Variants in SF3B3 observed in about 807,000 individuals in gnomAD.
SF3B3 encodes the protein SAP 130.
SF3B3 carries 33 observed loss-of-function variants against 139.2 expected under a neutral mutation model. The observed-to-expected ratio is 0.24, with a 90% CI of 0.18 to 0.32. The LOEUF (loss-of-function observed/expected upper bound fraction) is 0.32, where lower values mean the gene tolerates loss of function less well. Ranked by LOEUF, SF3B3 falls within the 10% of genes least tolerant of loss-of-function variation. The probability of loss-of-function intolerance (pLI) is 1.00; values close to 1 mark genes in which losing one functional copy is unlikely to be tolerated. For missense variants in SF3B3, 818 were observed against 1,509.4 expected (o/e 0.54, Z 7.59); for synonymous variants, 596 against 563.6 (o/e 1.06, Z -0.81).
intron 7 of SF3B3, among the ~76,000 whole-genome samples, chr16:70,538,736 A>C (rs1466281131): frequency 6.6e-6 from 1 of 152,232 alleles, no homozygotes. Flanking sequence ...GTTTCTGCTG[A>C]AAACTGGTAA....
At chr16:70,547,834 C>T (rs905015523) in intron 10 of SF3B3, among the ~76,000 whole-genome samples, 2 of 152,178 alleles carry the variant, frequency 1.3e-5, no homozygotes, top group African/African-American at 4.8e-5. Context: ...AGGCAATCCA[C>T]CCGCCTCGGC....
In SF3B3 at chr16:70,568,438, C is replaced by T. The variant is rs763627867; in HGVS notation, c.3108C>T (p.Ala1036=). The T allele has an allele frequency of 4.3e-6, 7 of 1,614,096 alleles. No individual in the cohort carries two copies. In the East Asian group the frequency reaches 8.9e-5, roughly 21 times the overall value. Residue 1036 remains alanine, a synonymous_variant, in exon 22 of 26, where the codon GCC becomes GCT. Transcript: ENST00000302516. ...CCTACCCCCGATGGGTCACTACAGC[C>T]AGCCTCCTGGACTATGACACTGTGG... The part of the protein sequence containing the change: ...DDTYPRWVTT[A]SLLDYDTVAG...
chr16:70,550,946 C>T (rs187037659), intron 11 of SF3B3, among the ~76,000 whole-genome samples: 8 of 152,192 alleles, frequency 5.3e-5, no homozygotes, highest in African/African-American at 1.9e-4. Context: ...AGCTAGAGAA[C>T]TTTAGCTTCA....
intron 8 of SF3B3, among the ~76,000 whole-genome samples, chr16:70,540,200 G>A (rs1360813015): frequency 2.0e-5 from 3 of 149,136 alleles, no homozygotes; most frequent in African/African-American, 7.4e-5. Flanking sequence ...TTCGAGACCA[G>A]CCTGACCAAC....
intron 2 of SF3B3, 101 bp from the exon 3 acceptor site, chr16:70,528,772 C>A: frequency 1.3e-6 from 1 of 776,760 alleles, no homozygotes; most frequent in South Asian, 1.8e-5. Flanking sequence ...CATGTGCCAC[C>A]ACGCCTGGCT....
chr16:70,563,499 T>A (rs759065557), intron 17 of SF3B3, among the ~76,000 whole-genome samples: 2 of 152,262 alleles, frequency 1.3e-5, no homozygotes, highest in Non-Finnish European at 2.9e-5. Context: ...GTATCCACTT[T>A]ATTTTATGAA....
Position 70,557,039 on chromosome 16 carries a change from C to T in SF3B3, c.2010+10C>T. 1 of 1,598,568 alleles carries T rather than the reference C, an allele frequency of 6.3e-7. No homozygotes were observed. The highest frequency in any genetic ancestry group is 8.5e-7 in the Non-Finnish European group (1 of 1,173,986). ...GAATATTGGGCTACAGGTAAGAGATCCAGAGGCCCACATTGTGGACATTAG... is the reference window on the plus strand; with the variant it reads ...GAATATTGGGCTACAGGTAAGAGATTCAGAGGCCCACATTGTGGACATTAG... On this transcript the variant is annotated intron_variant, in intron 15 of 25. Coordinates refer to ENST00000302516, the MANE Select transcript of SF3B3 (RefSeq NM_012426.5).
At chr16:70,529,234 G>C in intron 3 of SF3B3, 35 bp downstream of exon 3, 2 of 1,542,586 alleles carry the variant, frequency 1.3e-6, no homozygotes, top group African/African-American at 2.7e-5. Flanking sequence ...TATATGCCTA[G>C]TTTAGGATAA....
chr16:70,569,259 T>G, intron 23 of SF3B3, 118 bp downstream of exon 23: 1 of 668,122 alleles, frequency 1.5e-6, no homozygotes, highest in Admixed American at 2.9e-5. Context: ...CTGAGTGCTG[T>G]CCGTCCACAG....
In SF3B3 at chr16:70,576,180, T is replaced by C. The variant is rs1193566302; in HGVS notation, c.*4367T>C. ...CAGTAGCTGTGATGGACAATGAACA[T>C]TGCTGCTTGTTCAAAATGAAGAAAA... On this transcript the variant is annotated 3_prime_UTR_variant, in exon 26 of 26. Transcript: ENST00000302516. 1.3e-5 allele frequency: 2 copies of C among 152,086 alleles called. No individual in the cohort carries two copies. The highest frequency in any genetic ancestry group is 2.9e-5 in the Non-Finnish European group (2 of 68,042). The allele number at this position is 152,086 out of a possible 1,614,324, so 9.4% of individuals were successfully genotyped here.
intron 6 of SF3B3, 51 bp from the exon 7 acceptor site, chr16:70,538,272 A>G (rs2050187341): frequency 1.3e-6 from 2 of 1,552,488 alleles, no homozygotes; most frequent in Non-Finnish European, 1.8e-6. Flanking sequence ...GAATTCCAGA[A>G]CTAAGAAGTA....
chr16:70,566,918 C>T (rs2050482309), intron 20 of SF3B3, among the ~76,000 whole-genome samples: 1 of 152,030 alleles, frequency 6.6e-6, no homozygotes, highest in Non-Finnish European at 1.5e-5. Flanking sequence ...GGCTTGATGG[C>T]ACATGCCTGT....
chr16:70,567,755 G>A (rs1201037432), intron 21 of SF3B3, among the ~76,000 whole-genome samples: 7 of 152,098 alleles, frequency 4.6e-5, no homozygotes, highest in South Asian at 2.1e-4. Context: ...GCGCAATCTC[G>A]GCTCACTGCA....
rs2050545641 is a variant in SF3B3 at position 70,573,135 on chromosome 16, A to C, written c.*1322A>C. ...CCTGGAACTAAGTATCTCTTGAATC[A>C]TGACTTGGTTTTAGATCAGTCAAGA... On this transcript the variant is annotated 3_prime_UTR_variant, in exon 26 of 26. Transcript: ENST00000302516. 1 of 152,194 alleles carries C rather than the reference A, an allele frequency of 6.6e-6. No homozygotes were observed. Among genetic ancestry groups the C allele is most frequent in the African/African-American group, 2.4e-5 (1 of 41,434 alleles). 9.4% of individuals were successfully genotyped at this position (152,194 alleles called of 1,614,324 possible).
chr16:70,531,864 C>T (rs952114528), intron 4 of SF3B3, among the ~76,000 whole-genome samples: 2 of 152,268 alleles, frequency 1.3e-5, no homozygotes, highest in Non-Finnish European at 1.5e-5. Context: ...TTGCAGTTCT[C>T]GTTCTAGCTC....
Position 70,541,548 on chromosome 16 carries a change from T to A in SF3B3, c.1068-121T>A, listed in dbSNP as rs1246831825. ...AGCTGTCGTACTTAGTGATAACACC[T>A]AAAAATAATAACAATAGTATCTTAA... On this transcript the variant is annotated intron_variant, in intron 8 of 25. Coordinates refer to ENST00000302516, the MANE Select transcript of SF3B3 (RefSeq NM_012426.5). The A allele has an allele frequency of 1.2e-5, 10 of 802,370 alleles. No homozygotes were observed. The Admixed American group carries it at 2.4e-4, about 19-fold the overall frequency. 49.7% of individuals were successfully genotyped at this position (802,370 alleles called of 1,614,324 possible).
In SF3B3 at chr16:70,555,198, A is replaced by G; in HGVS notation, c.1702A>G (p.Met568Val). ...LTGGELVYFEMDPSGQLNEYT... is the reference protein window; with the variant it reads ...LTGGELVYFEVDPSGQLNEYT... The stretch of plus-strand genomic sequence containing the variant: ...AGGAGGAGAGCTGGTCTATTTCGAG[A>G]TGGATCCTGTATGTTATTTTATCAT... Residue 568 changes from methionine (M) to valine (V), a missense_variant, in exon 13 of 26, where the codon ATG becomes GTG. This residue lies in a region of SF3B3 where 170 missense variants were observed against 353.0 expected (regional missense o/e 0.48). Coordinates refer to ENST00000302516, the MANE Select transcript of SF3B3 (RefSeq NM_012426.5). The G allele has an allele frequency of 6.2e-7, 1 of 1,613,780 alleles. No homozygotes were observed. The highest frequency in any genetic ancestry group is 8.5e-7 in the Non-Finnish European group (1 of 1,179,724).
intron 2 of SF3B3, among the ~76,000 whole-genome samples, chr16:70,528,234 G>T (rs1183366171): frequency 1.4e-5 from 2 of 141,902 alleles, no homozygotes; most frequent in South Asian, 4.5e-4. Flanking sequence ...GTGCGACCTC[G>T]GCTCACTGCA....
intron 10 of SF3B3, among the ~76,000 whole-genome samples, chr16:70,546,971 T>C (rs1335094649): frequency 1.3e-5 from 2 of 151,820 alleles, no homozygotes; most frequent in Admixed American, 6.6e-5. Context: ...GAGCTTGCAG[T>C]GAGCCAAGAT....
Sources: gnomAD v4.1 joint callset for allele counts (sites outside exome capture counted in the v4.1 genomes callset) on GRCh38, gnomAD v4.1.1 for gene constraint, gnomAD v4.1.1 regional missense constraint, MANE v1.5 for transcripts, NCBI Gene and HGNC (gene_info 2026-07-23, HGNC 2026-07-21) for gene names.